Variants in AKAP11 observed in about 807,000 individuals in gnomAD.
The protein encoded by AKAP11 is A-kinase anchor protein 11.
AKAP11 carries 36 observed loss-of-function variants against 146.1 expected under a neutral mutation model. That is an observed-to-expected ratio of 0.25 (90% CI 0.19 to 0.33). The LOEUF (loss-of-function observed/expected upper bound fraction) is 0.33. Among genes scored for constraint, AKAP11 ranks in the 10% least tolerant of loss-of-function variants. The pLI is 1.00. For synonymous variants in AKAP11, 780 were observed against 786.5 expected, an observed-to-expected ratio of 0.99 and a Z score of 0.14; for missense variants, 2,201 against 2,197.0, an observed-to-expected ratio of 1.00 and a Z score of -0.04.
In AKAP11 at chr13:42,299,747, A is replaced by G. The variant is rs749270705; in HGVS notation, c.1001A>G (p.Glu334Gly). 5 of 1,613,972 alleles carry G rather than the reference A, an allele frequency of 3.1e-6. No individual in the cohort carries two copies. The South Asian group carries it at 5.5e-5, about 18-fold the overall frequency. ...GYQKSLKAKL[E>G]LPKIPVMKDD... ...CAAAAAAGCTTAAAAGCAAAACTTG[A>G]GCTGCCTAAAATTCCTGTGATGAAA... The change falls in exon 8 of 13, where the codon GAG becomes GGG. Residue 334 changes from glutamate to glycine, a missense_variant. Glu to Gly is a moderately conservative substitution (Grantham distance 98). Transcript: ENST00000025301.
At chr13:42,271,867 G>A (rs1181949083), upstream of AKAP11, among the ~76,000 whole-genome samples, 3 of 151,510 alleles carry the variant, frequency 2.0e-5, no homozygotes, top group African/African-American at 7.3e-5. Flanking sequence ...TGCCCCGCGG[G>A]CTGCTCCGCG....
intron 6 of AKAP11, among the ~76,000 whole-genome samples, chr13:42,297,499 G>C (rs1228870112): frequency 2.0e-5 from 3 of 151,850 alleles, no homozygotes; most frequent in Non-Finnish European, 4.4e-5. Context: ...AAGCTACAGT[G>C]ACTTTTCCCT....
intron 3 of AKAP11, among the ~76,000 whole-genome samples, chr13:42,286,699 C>CCATT (rs1162488762): frequency 2.6e-5 from 4 of 152,226 alleles, no homozygotes; most frequent in Non-Finnish European, 5.9e-5. Context: ...TTTAGCTTTA[C>CCATT]CATTCATTCA....
chr13:42,304,348 AT>A (rs1394990377), intron 8 of AKAP11, among the ~76,000 whole-genome samples: 1 of 152,186 alleles, frequency 6.6e-6, no homozygotes, highest in Admixed American at 6.5e-5. Context: ...TATCCAGTTT[AT>A]CCATACTACA....
chr13:42,286,462 A>G, intron 3 of AKAP11, 63 bp downstream of exon 3: 1 of 1,243,594 alleles, frequency 8.0e-7, no homozygotes, highest in Non-Finnish European at 1.1e-6. Context: ...ATTTTTTTTT[A>G]AGTCCTACAG....
Position 42,298,557 on chromosome 13 carries a change from G to T in AKAP11, c.376G>T (p.Val126Phe). Residue 126 changes from valine to phenylalanine, a missense_variant, in exon 7 of 13, where the codon GTC (valine) becomes TTC (phenylalanine). Physicochemically the swap from Val to Phe is conservative, Grantham distance 50. This residue lies in a region of AKAP11 where 331 missense variants were observed against 347.4 expected (regional missense o/e 0.95). Transcript: ENST00000025301. ...NQSHPSGMLCVMRVSPTSPRL... is the reference protein window; with the variant it reads ...NQSHPSGMLCFMRVSPTSPRL... ...GAGTCATCCTTCTGGAATGCTTTGT[G>T]TCATGAGAGTGTCACCTACATCACC... is the stretch of plus-strand genomic sequence containing the variant. 3 of 1,609,988 alleles carry T rather than the reference G, an allele frequency of 1.9e-6. No individual in the cohort carries two copies. The highest frequency in any genetic ancestry group is 2.5e-6 in the Non-Finnish European group (3 of 1,178,490).
chr13:42,280,574 A>G (rs1959037492), intron 1 of AKAP11, among the ~76,000 whole-genome samples: 1 of 152,200 alleles, frequency 6.6e-6, no homozygotes, highest in Non-Finnish European at 1.5e-5. Flanking sequence ...AGTTCAGCAG[A>G]TGTTTGAATG....
At chr13:42,276,529 C>T (rs1048326920) in intron 1 of AKAP11, among the ~76,000 whole-genome samples, 6 of 152,082 alleles carry the variant, frequency 3.9e-5, no homozygotes, top group Admixed American at 2.0e-4. Context: ...TACAGGTATG[C>T]GCCCACTGTA....
intron 1 of AKAP11, among the ~76,000 whole-genome samples, chr13:42,278,890 AT>A (rs1399554296): frequency 6.8e-6 from 1 of 147,378 alleles, no homozygotes; most frequent in African/African-American, 2.5e-5. Flanking sequence ...TTTTGCCTTA[AT>A]TTTTGAAATA....
intron 3 of AKAP11, among the ~76,000 whole-genome samples, chr13:42,289,268 A>G (rs1050573007): frequency 6.6e-6 from 1 of 152,200 alleles, no homozygotes; most frequent in Non-Finnish European, 1.5e-5. Context: ...CCTTAGATGA[A>G]CTATATAATA....
chr13:42,274,509 C>A (rs1006084663), intron 1 of AKAP11, among the ~76,000 whole-genome samples: 2 of 152,260 alleles, frequency 1.3e-5, no homozygotes, highest in Non-Finnish European at 2.9e-5. Context: ...CATGGAAAAA[C>A]CCTGTCTTTA....
chr13:42,318,049 T>C (rs932569522), intron 12 of AKAP11, among the ~76,000 whole-genome samples: 1 of 152,236 alleles, frequency 6.6e-6, no homozygotes, highest in African/African-American at 2.4e-5. Context: ...AAAAATTGAA[T>C]TATTCTCTGT....
Position 42,311,238 on chromosome 13 carries a change from T to C in AKAP11, c.5274-1809T>C, listed in dbSNP as rs571196716. ...TATACCACTGGTTGGAGTACTCCTG[T>C]GCTAGACATAGGAAATATGAAAAGA... On this transcript the variant is annotated intron_variant, in intron 9 of 12. Transcript: ENST00000025301. Among the ~76,000 whole-genome samples the C allele has an allele frequency of 2.6e-5, 4 of 152,320 alleles. No individual in the cohort carries two copies. The South Asian group carries it at 8.3e-4, about 32-fold the overall frequency.
intron 4 of AKAP11, among the ~76,000 whole-genome samples, chr13:42,293,460 G>A (rs1402843988): frequency 6.6e-6 from 1 of 152,130 alleles, no homozygotes; most frequent in African/African-American, 2.4e-5. Flanking sequence ...GGCCTGTAGT[G>A]TTCTGGTGCC....
intron 8 of AKAP11, 103 bp downstream of exon 8, chr13:42,303,966 C>A: frequency 7.3e-7 from 1 of 1,362,760 alleles, no homozygotes; most frequent in Non-Finnish European, 9.7e-7. Flanking sequence ...ATTTTTAACC[C>A]TACATAAACA....
intron 5 of AKAP11, among the ~76,000 whole-genome samples, chr13:42,296,489 A>G (rs1327419783): frequency 6.6e-6 from 1 of 152,120 alleles, no homozygotes; most frequent in East Asian, 1.9e-4. Flanking sequence ...GACTTTAATA[A>G]TTCTTTAGCT....
Position 42,302,788 on chromosome 13 carries a change from C to A in AKAP11, c.4042C>A (p.His1348Asn), listed in dbSNP as rs367807885. 1 of 1,613,964 alleles carries A rather than the reference C, an allele frequency of 6.2e-7. No homozygotes were observed. Among genetic ancestry groups the A allele is most frequent in the Non-Finnish European group, 8.5e-7 (1 of 1,179,992 alleles). The change falls in exon 8 of 13, where the codon CAC becomes AAC. Residue 1348 changes from histidine (H) to asparagine (N), a missense_variant. Transcript: ENST00000025301. ...CESVTDEYAG[H>N]LIQILKQEGG... ...AAGTGTGACAGATGAATATGCAGGT[C>A]ACCTTATTCAGATACTAAAACAGGA...
chr13:42,282,119 C>A (rs937111054), intron 1 of AKAP11, among the ~76,000 whole-genome samples: 1 of 151,868 alleles, frequency 6.6e-6, no homozygotes, highest in Non-Finnish European at 1.5e-5. Context: ...CAGGCATATA[C>A]CACCACACCC....
chr13:42,287,832 A>G (rs1263725650), intron 3 of AKAP11, among the ~76,000 whole-genome samples: 2 of 152,306 alleles, frequency 1.3e-5, no homozygotes, highest in African/African-American at 2.4e-5. Context: ...ACTGATAACC[A>G]TGGTCTTCAA....
Sources: gnomAD v4.1 joint callset for allele counts (sites outside exome capture counted in the v4.1 genomes callset) on GRCh38, gnomAD v4.1.1 for gene constraint, gnomAD v4.1.1 regional missense constraint, MANE v1.5 for transcripts, NCBI Gene and HGNC (gene_info 2026-07-23, HGNC 2026-07-21) for gene names.